Variants in UHRF2 observed in about 807,000 individuals in gnomAD.
The protein encoded by UHRF2 is E3 ubiquitin-protein ligase UHRF2.
UHRF2 carries 23 observed loss-of-function variants against 96.8 expected under a neutral mutation model. That is an observed-to-expected ratio of 0.24 (90% CI 0.17 to 0.34). The LOEUF (loss-of-function observed/expected upper bound fraction) is 0.34, where lower values mean the gene tolerates loss of function less well. UHRF2 is among the 10% of genes least tolerant of loss of function. The pLI is 1.00. For synonymous variants in UHRF2, 385 were observed against 332.6 expected (o/e 1.16, Z -1.72); for missense variants, 685 against 981.5 (o/e 0.70, Z 4.04).
intron 3 of UHRF2, among the ~76,000 whole-genome samples, chr9:6,457,865 C>T (rs1332340076): frequency 6.6e-6 from 1 of 152,126 alleles, no homozygotes; most frequent in Non-Finnish European, 1.5e-5. Context: ...CGATTTTGAT[C>T]GTGGTGGATA....
At chr9:6,425,773 TAA>T (rs35091432) in intron 2 of UHRF2, among the ~76,000 whole-genome samples, 64 of 149,790 alleles carry the variant, frequency 4.3e-4, no homozygotes, top group South Asian at 8.4e-4. Context: ...GTAAATAAAT[TAA>T]AAAAAAAAAA....
Position 6,500,659 on chromosome 9 carries a change from C to G in UHRF2, c.2113C>G (p.Gln705Glu). The part of the protein sequence containing the change: ...QQQHLIREDC[Q>E]NQKLWDEVLS... ...GCAACATCTCATCAGAGAAGATTGT[C>G]AAAACCAGAAGCTGTGGGATGAAGT... The change falls in exon 14 of 16, where the codon CAA becomes GAA. Residue 705 changes from glutamine (Q) to glutamate (E), a missense_variant. Coordinates refer to ENST00000276893, the MANE Select transcript of UHRF2 (RefSeq NM_152896.3). 6.2e-7 allele frequency: 1 copy of G among 1,613,774 alleles called. No homozygotes were observed. The highest frequency in any genetic ancestry group is 8.5e-7 in the Non-Finnish European group (1 of 1,179,842).
At chr9:6,493,784 CT>C (rs766276571) in intron 9 of UHRF2, 41 bp from the exon 10 acceptor site, 15 of 1,505,974 alleles carry the variant, frequency 1.0e-5, no homozygotes, top group South Asian at 1.2e-5. Context: ...TGAAATTATA[CT>C]TGGGTTTAGC....
intron 3 of UHRF2, among the ~76,000 whole-genome samples, chr9:6,444,078 A>G (rs765588624): frequency 2.0e-5 from 3 of 152,246 alleles, no homozygotes; most frequent in Non-Finnish European, 4.4e-5. Flanking sequence ...AAGAGTTCCA[A>G]AAATGTTTTT....
chr9:6,496,441 A>G (rs1824973654), intron 10 of UHRF2: 1 of 152,212 alleles, frequency 6.6e-6, no homozygotes, highest in African/African-American at 2.4e-5. Flanking sequence ...TAATAAGCTC[A>G]TTGATTTACT....
At position 6,420,139 on chromosome 9, in the gene UHRF2, C is replaced by T. The variant is rs1397866640; in HGVS notation, c.154-773C>T. Reference sequence around the variant, plus strand: ...TGGCGCAATTTCAGCTCACTGCAACCTCCACCTCTGGAGTTCAAGAGATTC... The same window carrying T: ...TGGCGCAATTTCAGCTCACTGCAACTTCCACCTCTGGAGTTCAAGAGATTC... On this transcript the variant is annotated intron_variant, in intron 1 of 15. Coordinates refer to ENST00000276893, the MANE Select transcript of UHRF2 (RefSeq NM_152896.3). Among the ~76,000 whole-genome samples, 4 of 151,800 alleles carry T rather than the reference C, an allele frequency of 2.6e-5. 1 individual carries two copies. Among genetic ancestry groups the T allele is most frequent in the South Asian group, 2.1e-4 (1 of 4,828 alleles).
At chr9:6,466,383 T>C (rs762087051) in intron 4 of UHRF2, among the ~76,000 whole-genome samples, 1 of 151,908 alleles carries the variant, frequency 6.6e-6, no homozygotes, top group African/African-American at 2.4e-5. Context: ...ACTAAAAATA[T>C]AAAAATGTTA....
intron 8 of UHRF2, among the ~76,000 whole-genome samples, chr9:6,482,529 C>G (rs182270804): frequency 1.6e-3 from 241 of 151,892 alleles, no homozygotes; most frequent in African/African-American, 4.9e-3. Context: ...GCCAGCTAAT[C>G]CAAGAATAAA....
intron 3 of UHRF2, among the ~76,000 whole-genome samples, chr9:6,456,635 A>C (rs944313521): frequency 1.2e-4 from 18 of 152,114 alleles, no homozygotes; most frequent in Admixed American, 6.6e-5. Context: ...GGTATTGCTT[A>C]GGTTTTATTC....
chr9:6,422,949 T>A, intron 2 of UHRF2: 1 of 309,506 alleles, frequency 3.2e-6, no homozygotes, highest in Admixed American at 5.0e-5. Context: ...ACCAGCAACC[T>A]TTTCAAATCT....
intron 11 of UHRF2, 27 bp from the exon 12 acceptor site, chr9:6,497,991 A>C: frequency 1.9e-6 from 3 of 1,608,824 alleles, no homozygotes; most frequent in Non-Finnish European, 2.5e-6. Flanking sequence ...TTAAATCTCA[A>C]ACTGGCACTG....
At position 6,477,450 on chromosome 9, in the gene UHRF2, C is replaced by T. The variant is rs538166257; in HGVS notation, c.974-172C>T. Among the ~76,000 whole-genome samples, 8 of 151,916 alleles carry T rather than the reference C, an allele frequency of 5.3e-5. 1 individual carries two copies. In the South Asian group the frequency reaches 1.5e-3, roughly 28 times the overall value. ...CTGAGGCGGGAGAATCGCTTGAACC[C>T]GGGAGGCAGAGGCTGCAGTGAGCCA... On this transcript the variant is annotated intron_variant, in intron 5 of 15. Coordinates refer to ENST00000276893, the MANE Select transcript of UHRF2 (RefSeq NM_152896.3).
At chr9:6,478,398 A>T (rs998026143) in intron 6 of UHRF2, among the ~76,000 whole-genome samples, 2 of 152,158 alleles carry the variant, frequency 1.3e-5, no homozygotes, top group Non-Finnish European at 2.9e-5. Context: ...TATCCTTGTT[A>T]TGTTCTATAA....
chr9:6,434,912 T>C (rs1412769307), intron 3 of UHRF2, among the ~76,000 whole-genome samples: 1 of 151,102 alleles, frequency 6.6e-6, no homozygotes, highest in African/African-American at 2.4e-5. Flanking sequence ...CTCGCTGCAA[T>C]CTCCGCCTCC....
At chr9:6,427,817 A>G (rs1820344866) in intron 2 of UHRF2, among the ~76,000 whole-genome samples, 2 of 152,224 alleles carry the variant, frequency 1.3e-5, no homozygotes, top group South Asian at 4.1e-4. Flanking sequence ...TACCACTACT[A>G]CATATGGAGA....
At chr9:6,429,626 C>T (rs941415219) in intron 2 of UHRF2, among the ~76,000 whole-genome samples, 1 of 152,152 alleles carries the variant, frequency 6.6e-6, no homozygotes, top group Non-Finnish European at 1.5e-5. Flanking sequence ...CCACTGCACC[C>T]GGGCTATACT....
chr9:6,424,040 A>T (rs1343068503), intron 2 of UHRF2, among the ~76,000 whole-genome samples: 1 of 152,228 alleles, frequency 6.6e-6, no homozygotes, highest in Non-Finnish European at 1.5e-5. Flanking sequence ...TATTCCCTTT[A>T]AAGACGAGCT....
chr9:6,434,349 G>A (rs1005846107), intron 3 of UHRF2, 176 bp downstream of exon 3: 2 of 655,624 alleles, frequency 3.1e-6, no homozygotes, highest in Non-Finnish European at 4.9e-6. Flanking sequence ...TTTAGCTCTC[G>A]ATTATCTCTG....
intron 3 of UHRF2, among the ~76,000 whole-genome samples, chr9:6,442,799 A>G (rs533654028): frequency 6.6e-6 from 1 of 152,172 alleles, no homozygotes; most frequent in African/African-American, 2.4e-5. Flanking sequence ...CATGGCACGA[A>G]CTTCATGATG....
Sources: gnomAD v4.1 joint callset for allele counts (sites outside exome capture counted in the v4.1 genomes callset) on GRCh38, gnomAD v4.1.1 for gene constraint, MANE v1.5 for transcripts, NCBI Gene and HGNC (gene_info 2026-07-23, HGNC 2026-07-21) for gene names.